The following FBXO28 variants were observed in gnomAD, a reference collection of about 807,000 sequenced individuals.
FBXO28 encodes F-box protein 28.
A neutral mutation model predicts 38.1 loss-of-function variants in FBXO28; 8 were observed. The observed-to-expected ratio is 0.21, with a 90% CI of 0.12 to 0.38. FBXO28 has a LOEUF of 0.38. FBXO28 is among the 10% of genes least tolerant of loss of function. The pLI, the probability that FBXO28 is intolerant of heterozygous loss-of-function variation, is 1.00. For missense variants in FBXO28, 345 were observed against 460.6 expected (o/e 0.75, Z 2.30); for synonymous variants, 168 against 173.8 (o/e 0.97, Z 0.26).
chr1:224,148,264 T>C (rs1478045596), intron 3 of FBXO28, among the ~76,000 whole-genome samples: 1 of 152,222 alleles, frequency 6.6e-6, no homozygotes, highest in Admixed American at 6.5e-5. Flanking sequence ...GATCTAATAA[T>C]TTACTGTCAG....
chr1:224,139,986 G>T (rs899694047), intron 3 of FBXO28, among the ~76,000 whole-genome samples: 7 of 152,166 alleles, frequency 4.6e-5, no homozygotes, highest in Non-Finnish European at 1.0e-4. Context: ...AGCTCCTTGG[G>T]CGGCTGAGGT....
At chr1:224,114,741 C>T (rs1200538365) in intron 1 of FBXO28, among the ~76,000 whole-genome samples, 1 of 152,164 alleles carries the variant, frequency 6.6e-6, no homozygotes, top group Non-Finnish European at 1.5e-5. Context: ...GTCATGTCGC[C>T]TGCCTTTTGT....
rs572395795 is a variant in FBXO28 at position 224,123,967 on chromosome 1, G to A, written c.268-6505G>A. ...CTACTAAAAACACAAAAAATTAGCC[G>A]GGCGTGGTGGGAGGTGCCTATAATG... On this transcript the variant is annotated intron_variant, in intron 1 of 4. Transcript: ENST00000366862. Among the ~76,000 whole-genome samples, 11 of 152,174 alleles carry A rather than the reference G, an allele frequency of 7.2e-5. 1 individual carries two copies. The East Asian group carries it at 1.9e-3, about 27-fold the overall frequency.
intron 3 of FBXO28, among the ~76,000 whole-genome samples, chr1:224,135,041 TG>T (rs1209929161): frequency 2.0e-5 from 3 of 152,272 alleles, no homozygotes; most frequent in African/African-American, 7.2e-5. Context: ...CATTTATTTT[TG>T]GGGGGAATCC....
At chr1:224,123,310 G>A (rs1312499876) in intron 1 of FBXO28, among the ~76,000 whole-genome samples, 2 of 151,822 alleles carry the variant, frequency 1.3e-5, no homozygotes, top group Non-Finnish European at 2.9e-5. Flanking sequence ...TTGGGAGACC[G>A]AGGTGGGTGG....
At chr1:224,134,357 TATAA>T (rs1657126714) in intron 3 of FBXO28, 145 bp downstream of exon 3, 1 of 592,370 alleles carries the variant, frequency 1.7e-6, no homozygotes, top group African/African-American at 2.0e-5. Flanking sequence ...TCTGTACAGT[TATAA>T]ATATGTATCA....
intron 1 of FBXO28, among the ~76,000 whole-genome samples, chr1:224,115,967 A>T (rs114786314): frequency 0.025 from 3,758 of 152,334 alleles, 55 homozygotes; most frequent in Middle Eastern, 0.037. Context: ...GTTAAAACAC[A>T]TCCCACAACT....
At position 224,157,466 on chromosome 1, in the gene FBXO28, C is replaced by A; in HGVS notation, c.827C>A (p.Thr276Asn). 1 of 1,614,278 alleles carries A rather than the reference C, an allele frequency of 6.2e-7. No individual in the cohort carries two copies. The highest frequency in any genetic ancestry group is 8.5e-7 in the Non-Finnish European group (1 of 1,180,060). ...QQVKTNGAGV[T>N]VLRREISELR... ...GTTAAAACAAATGGTGCTGGCGTGA[C>A]TGTTCTCAGGCGTGAAATTTCTGAG... The change falls in exon 5 of 5, where the codon ACT (threonine) becomes AAT (asparagine). Residue 276 changes from threonine (T) to asparagine (N), a missense_variant. This residue lies in a region of FBXO28 where 151 missense variants were observed against 188.3 expected (regional missense o/e 0.80). Coordinates refer to ENST00000366862, the MANE Select transcript of FBXO28 (RefSeq NM_015176.4).
At chr1:224,138,185 A>G (rs1335082281) in intron 3 of FBXO28, among the ~76,000 whole-genome samples, 3 of 151,766 alleles carry the variant, frequency 2.0e-5, no homozygotes, top group Non-Finnish European at 4.4e-5. Flanking sequence ...CCGAGATCAC[A>G]CTGGTGCACT....
At chr1:224,153,433 AGTT>A in intron 4 of FBXO28, 96 bp downstream of exon 4, 2 of 845,866 alleles carry the variant, frequency 2.4e-6, no homozygotes, top group Non-Finnish European at 3.6e-6. Context: ...CTGTGTTAGT[AGTT>A]GTTTATTGGC....
chr1:224,141,130 C>T lies in FBXO28; in HGVS notation c.516+6918C>T, dbSNP rs538207738. Among the ~76,000 whole-genome samples, 6 of 151,858 alleles carry T rather than the reference C, an allele frequency of 4.0e-5. No individual in the cohort carries two copies. The East Asian group carries it at 9.7e-4, about 25-fold the overall frequency. On this transcript the variant is annotated intron_variant, in intron 3 of 4. Transcript: ENST00000366862. ...CTGGGAGGCGGAGGCTGCAGTGAGC[C>T]GAGATCAAACCACTGCACTCCAGCC...
In FBXO28 at chr1:224,134,187, A is replaced by G. The variant is rs1431729091; in HGVS notation, c.491A>G (p.Asn164Ser). Residue 164 changes from asparagine to serine, a missense_variant, in exon 3 of 5, where the codon AAT (asparagine) becomes AGT (serine). Asn to Ser is a conservative substitution (Grantham distance 46, BLOSUM62 1). Transcript: ENST00000366862. ...ACTTTCATGAAATATGTGGATTCCA[A>G]TCTCTGTTGCTTCATCCCAGGAAAG... is the stretch of plus-strand genomic sequence containing the variant. Reference protein sequence around the residue: ...NMTFMKYVDSNLCCFIPGKVI... With the variant: ...NMTFMKYVDSSLCCFIPGKVI... 1.2e-6 allele frequency: 2 copies of G among 1,611,884 alleles called. No homozygotes were observed. Among genetic ancestry groups the G allele is most frequent in the Non-Finnish European group, 8.5e-7 (1 of 1,179,226 alleles).
intron 3 of FBXO28, among the ~76,000 whole-genome samples, chr1:224,147,303 G>A (rs1209305402): frequency 7.9e-5 from 12 of 151,230 alleles, no homozygotes; most frequent in African/African-American, 2.2e-4. Context: ...AGCGCCTGTA[G>A]TCCCAGCTAC....
chr1:224,143,173 C>T (rs935910462), intron 3 of FBXO28, among the ~76,000 whole-genome samples: 13 of 148,568 alleles, frequency 8.8e-5, no homozygotes, highest in Non-Finnish European at 1.6e-4. Context: ...GAGCCAACAT[C>T]GTGCCACTGC....
At chr1:224,124,009 T>C (rs563936862) in intron 1 of FBXO28, among the ~76,000 whole-genome samples, 1 of 152,016 alleles carries the variant, frequency 6.6e-6, no homozygotes, top group Non-Finnish European at 1.5e-5. Context: ...ACTTGGGAGA[T>C]TGAGGCAGGA....
chr1:224,151,395 A>G (rs1657644574), intron 3 of FBXO28, among the ~76,000 whole-genome samples: 1 of 152,204 alleles, frequency 6.6e-6, no homozygotes, highest in Non-Finnish European at 1.5e-5. Flanking sequence ...ATAAGGATAC[A>G]TCCTAAGGTT....
chr1:224,157,498 A>G lies in FBXO28; in HGVS notation c.859A>G (p.Thr287Ala), dbSNP rs1381988809. Reference protein sequence around the residue: ...VLRREISELRTKVQEQQKQLQ... With the variant: ...VLRREISELRAKVQEQQKQLQ... ...CAGGCGTGAAATTTCTGAGCTTCGCACCAAAGTGCAAGAACAGCAAAAACA... is the reference window on the plus strand; with the variant it reads ...CAGGCGTGAAATTTCTGAGCTTCGCGCCAAAGTGCAAGAACAGCAAAAACA... The change falls in exon 5 of 5, where the codon ACC (threonine) becomes GCC (alanine). Residue 287 changes from threonine to alanine, a missense_variant. Thr to Ala is a moderately conservative substitution (Grantham distance 58). Coordinates refer to ENST00000366862, the MANE Select transcript of FBXO28 (RefSeq NM_015176.4). 9.9e-6 allele frequency: 16 copies of G among 1,614,264 alleles called. No homozygotes were observed. The highest frequency in any genetic ancestry group is 1.4e-5 in the Non-Finnish European group (16 of 1,180,048).
At chr1:224,139,837 C>G (rs1657302173) in intron 3 of FBXO28, among the ~76,000 whole-genome samples, 1 of 151,756 alleles carries the variant, frequency 6.6e-6, no homozygotes, top group Non-Finnish European at 1.5e-5. Context: ...GCCTGTAATC[C>G]TAATACTTTG....
intron 1 of FBXO28, among the ~76,000 whole-genome samples, chr1:224,120,806 T>C (rs972244948): frequency 5.4e-5 from 8 of 147,984 alleles, no homozygotes; most frequent in African/African-American, 2.0e-4. Flanking sequence ...AAGGTTGCAG[T>C]GAGCCGAGAT....
Sources: gnomAD v4.1 joint callset for allele counts (sites outside exome capture counted in the v4.1 genomes callset) on GRCh38, gnomAD v4.1.1 for gene constraint, gnomAD v4.1.1 regional missense constraint, MANE v1.5 for transcripts, NCBI Gene and HGNC (gene_info 2026-07-23, HGNC 2026-07-21) for gene names.